The following VPS13C variants were observed in gnomAD, a reference collection of about 807,000 sequenced individuals.
VPS13C encodes the protein vacuolar protein sorting 13 homolog C.
Under a neutral mutation model 456.8 loss-of-function variants are expected in VPS13C, and 358 were observed. The observed-to-expected ratio is 0.78, with a 90% CI of 0.72 to 0.86. VPS13C has a LOEUF of 0.86. Among genes scored for constraint, VPS13C ranks in the 40% least tolerant of loss-of-function variants. The pLI, the probability that VPS13C is intolerant of heterozygous loss-of-function variation, is 0.00. For synonymous variants in VPS13C, 1,578 were observed against 1,486.7 expected, an observed-to-expected ratio of 1.06 and a Z score of -1.41; for missense variants, 4,818 against 4,385.4, an observed-to-expected ratio of 1.10 and a Z score of -2.79.
At chr15:61,907,616 A>G (rs952669353) in intron 65 of VPS13C, among the ~76,000 whole-genome samples, 1 of 152,242 alleles carries the variant, frequency 6.6e-6, no homozygotes, top group Admixed American at 6.5e-5. Flanking sequence ...TGCACTCGGA[A>G]TTGATCCAAG....
At position 61,911,886 on chromosome 15, in the gene VPS13C, T is replaced by C; in HGVS notation, c.8669A>G (p.Asp2890Gly). 1.2e-6 allele frequency: 2 copies of C among 1,612,562 alleles called. No homozygotes were observed. Among genetic ancestry groups the C allele is most frequent in the Non-Finnish European group, 1.7e-6 (2 of 1,179,180 alleles). Residue 2890 changes from aspartate to glycine, a missense_variant, in exon 63 of 85, where the codon GAT becomes GGT. This residue lies in a region of VPS13C where 4,552 missense variants were observed against 4,130.6 expected (regional missense o/e 1.10). Coordinates refer to ENST00000644861, the MANE Select transcript of VPS13C (RefSeq NM_020821.3). ...CCATTTATTAGTTGGCATTGAGCCA[T>C]CAGATGCAATCTCGCCAACTTCTAG... ...LELEVGEIAS[D>G]GSMPTNKWNY...
At chr15:61,920,042 C>A in intron 57 of VPS13C, 25 bp downstream of exon 57, 1 of 1,551,972 alleles carries the variant, frequency 6.4e-7, no homozygotes, top group South Asian at 1.2e-5. Context: ...CTAAGATACC[C>A]TTAAGGAAAA....
intron 32 of VPS13C, 33 bp downstream of exon 32, chr15:61,963,802 T>C (rs1203096754): frequency 6.7e-7 from 1 of 1,486,576 alleles, no homozygotes; most frequent in African/African-American, 1.4e-5. Flanking sequence ...AGTTTATCTT[T>C]TCGCCAATTT....
chr15:61,911,770 C>A, intron 63 of VPS13C, 70 bp downstream of exon 63: 1 of 1,365,012 alleles, frequency 7.3e-7, no homozygotes, highest in Non-Finnish European at 9.7e-7. Context: ...GAGGTATATA[C>A]AATTCTTATT....
intron 2 of VPS13C, among the ~76,000 whole-genome samples, chr15:62,043,675 A>G (rs2048311556): frequency 6.6e-6 from 1 of 152,220 alleles, no homozygotes; most frequent in Non-Finnish European, 1.5e-5. Context: ...AAACTCATTA[A>G]GTGACTTCAT....
intron 52 of VPS13C, 139 bp downstream of exon 52, chr15:61,926,952 A>C: frequency 1.3e-6 from 1 of 756,490 alleles, no homozygotes; most frequent in Non-Finnish European, 2.1e-6. Flanking sequence ...TTTGGAATTC[A>C]ATATCTTTAT....
intron 53 of VPS13C, 63 bp from the exon 54 acceptor site, chr15:61,922,825 T>C (rs1319876617): frequency 4.6e-6 from 6 of 1,303,954 alleles, no homozygotes; most frequent in African/African-American, 4.6e-5. Context: ...AATATATACA[T>C]ACATGATTTT....
chr15:61,978,230 T>G (rs573507253), intron 23 of VPS13C, among the ~76,000 whole-genome samples: 1 of 152,142 alleles, frequency 6.6e-6, no homozygotes, highest in South Asian at 2.1e-4. Flanking sequence ...AAATAAAGAC[T>G]AGGCTAATAT....
intron 42 of VPS13C, 107 bp from the exon 43 acceptor site, chr15:61,947,416 C>A: frequency 1.4e-6 from 1 of 696,902 alleles, no homozygotes. Flanking sequence ...CTCTGAGGAA[C>A]CAAAATGCCC....
chr15:61,911,760 G>C (rs1425542829), intron 63 of VPS13C, 80 bp downstream of exon 63: 24 of 1,200,324 alleles, frequency 2.0e-5, no homozygotes, highest in Non-Finnish European at 2.4e-5. Context: ...GTCTGAAAAA[G>C]AGGTATATAC....
At position 61,997,702 on chromosome 15, in the gene VPS13C, T is replaced by C. The variant is rs149795179; in HGVS notation, c.1353+2862A>G. ...AACTCACATCTAGTCAGTCAGGAAATACTGGCTGTACCCTCAAAGTATATC... is the reference window on the plus strand; with the variant it reads ...AACTCACATCTAGTCAGTCAGGAAACACTGGCTGTACCCTCAAAGTATATC... On this transcript the variant is annotated intron_variant, in intron 16 of 84. Coordinates refer to ENST00000644861, the MANE Select transcript of VPS13C (RefSeq NM_020821.3). 3.3e-4 allele frequency among the ~76,000 whole-genome samples: 51 copies of C among 152,300 alleles called. No homozygotes were observed. In the East Asian group the frequency reaches 9.3e-3, roughly 28 times the overall value.
At chr15:62,041,196 G>T in intron 3 of VPS13C, 128 bp downstream of exon 3, 1 of 825,048 alleles carries the variant, frequency 1.2e-6, no homozygotes, top group Non-Finnish European at 1.9e-6. Context: ...AACTCTACGA[G>T]CTCTAATTAA....
At chr15:61,999,531 C>A (rs1476918371) in intron 16 of VPS13C, among the ~76,000 whole-genome samples, 1 of 152,112 alleles carries the variant, frequency 6.6e-6, no homozygotes, top group Non-Finnish European at 1.5e-5. Context: ...ACATGGACAT[C>A]TGTAACTATA....
chr15:62,036,773 G>T (rs928574963), intron 3 of VPS13C, among the ~76,000 whole-genome samples: 1 of 151,628 alleles, frequency 6.6e-6, no homozygotes, highest in Non-Finnish European at 1.5e-5. Flanking sequence ...TCTCAGAAAG[G>T]TCCTAGAATT....
At chr15:62,008,451 T>C (rs2046928398) in intron 14 of VPS13C, among the ~76,000 whole-genome samples, 1 of 152,026 alleles carries the variant, frequency 6.6e-6, no homozygotes, top group Non-Finnish European at 1.5e-5. Context: ...TGGATGTTCA[T>C]ATGAAAAAAG....
chr15:61,881,720 T>C (rs1167607298), intron 70 of VPS13C, 27 bp downstream of exon 70: 1 of 1,605,482 alleles, frequency 6.2e-7, no homozygotes, highest in East Asian at 2.2e-5. Flanking sequence ...ATAAGGTATA[T>C]CTATGTCACA....
intron 82 of VPS13C, 122 bp downstream of exon 82, chr15:61,863,318 T>C (rs948767607): frequency 5.4e-5 from 35 of 650,494 alleles, no homozygotes; most frequent in South Asian, 4.0e-4. Context: ...ATGAACATTT[T>C]GCCATTCACT....
chr15:62,040,133 CACTT>C (rs1207107270), intron 3 of VPS13C, among the ~76,000 whole-genome samples: 1 of 152,102 alleles, frequency 6.6e-6, no homozygotes, highest in African/African-American at 2.4e-5. Context: ...CACATGTTCT[CACTT>C]ACTTGTGGGA....
At chr15:62,002,852 G>T (rs2046680737) in intron 15 of VPS13C, among the ~76,000 whole-genome samples, 1 of 152,126 alleles carries the variant, frequency 6.6e-6, no homozygotes, top group South Asian at 2.1e-4. Flanking sequence ...TTATTTCTGA[G>T]GGCTCTGTTC....
Sources: allele counts gnomAD v4.1 joint callset (sites outside exome capture counted in the v4.1 genomes callset), GRCh38; gene constraint gnomAD v4.1.1; regional missense constraint gnomAD v4.1.1; transcripts MANE v1.5; gene names NCBI Gene and HGNC (gene_info 2026-07-23, HGNC 2026-07-21).